Variants in EIF2B3 observed in about 807,000 individuals in gnomAD.
EIF2B3 encodes the protein eukaryotic translation initiation factor 2B subunit gamma, also known as translation initiation factor eIF2B subunit gamma.
In EIF2B3, 20 loss-of-function variants were observed where a neutral mutation model predicts 54.1. The ratio of observed to expected loss-of-function variants is 0.37; its 90% confidence interval spans 0.26 to 0.54. The LOEUF (loss-of-function observed/expected upper bound fraction) is 0.54. Among genes scored for constraint, EIF2B3 ranks in the 20% least tolerant of loss-of-function variants. The pLI, the probability that EIF2B3 is intolerant of heterozygous loss-of-function variation, is 0.86. For synonymous variants in EIF2B3, 153 were observed against 188.1 expected, an observed-to-expected ratio of 0.81 and a Z score of 1.52; for missense variants, 448 against 547.8, an observed-to-expected ratio of 0.82 and a Z score of 1.82.
intron 10 of EIF2B3, among the ~76,000 whole-genome samples, chr1:44,869,748 G>A (rs896796616): frequency 1.3e-5 from 2 of 151,558 alleles, no homozygotes; most frequent in African/African-American, 4.8e-5. Flanking sequence ...CTATAGGCGC[G>A]AGCCACCACG....
chr1:44,882,894 C>G (rs566544294), intron 6 of EIF2B3, among the ~76,000 whole-genome samples: 65 of 149,430 alleles, frequency 4.3e-4, no homozygotes, highest in Middle Eastern at 7.0e-3. Context: ...GGATTACAGG[C>G]ATGAGCCACT....
chr1:44,972,136 C>A (rs1644404793), intron 3 of EIF2B3, among the ~76,000 whole-genome samples: 1 of 151,978 alleles, frequency 6.6e-6, no homozygotes, highest in Admixed American at 6.6e-5. Context: ...TACTTGTAAT[C>A]CCAGCACTTT....
At chr1:44,920,317 GTAA>G (rs1250767522) in intron 5 of EIF2B3, among the ~76,000 whole-genome samples, 1 of 151,992 alleles carries the variant, frequency 6.6e-6, no homozygotes, top group East Asian at 1.9e-4. Context: ...CATGCAATAC[GTAA>G]TAATCACATC....
intron 8 of EIF2B3, among the ~76,000 whole-genome samples, chr1:44,876,787 G>A (rs1413404627): frequency 6.9e-6 from 1 of 145,646 alleles, no homozygotes; most frequent in Admixed American, 6.9e-5. Flanking sequence ...TGAGAAATCG[G>A]ATGGTTGCTG....
At chr1:44,957,427 C>A (rs186863878) in intron 3 of EIF2B3, among the ~76,000 whole-genome samples, 12 of 152,156 alleles carry the variant, frequency 7.9e-5, no homozygotes, top group African/African-American at 2.7e-4. Context: ...ATAATGTATT[C>A]AATTTTTAAA....
intron 4 of EIF2B3, among the ~76,000 whole-genome samples, chr1:44,936,543 A>G (rs1643949204): frequency 6.6e-6 from 1 of 152,096 alleles, no homozygotes; most frequent in African/African-American, 2.4e-5. Context: ...GTGAGCCAAG[A>G]TCGCGCCATT....
chr1:44,910,262 T>G (rs1643485812), intron 5 of EIF2B3, among the ~76,000 whole-genome samples: 1 of 152,166 alleles, frequency 6.6e-6, no homozygotes, highest in Non-Finnish European at 1.5e-5. Context: ...CAATTTCAGC[T>G]GGGGGAAACT....
chr1:44,961,033 TA>T (rs1241732291), intron 3 of EIF2B3, among the ~76,000 whole-genome samples: 3 of 149,588 alleles, frequency 2.0e-5, no homozygotes, highest in Non-Finnish European at 4.4e-5. Context: ...AGGTACTATG[TA>T]GCTGTTAAAA....
intron 5 of EIF2B3, among the ~76,000 whole-genome samples, chr1:44,906,325 G>C (rs1412140385): frequency 6.6e-6 from 1 of 152,218 alleles, no homozygotes; most frequent in Non-Finnish European, 1.5e-5. Context: ...TTGTGTAGGA[G>C]ATGGTCACGG....
chr1:44,910,504 G>A (rs1643489377), intron 5 of EIF2B3, among the ~76,000 whole-genome samples: 1 of 152,230 alleles, frequency 6.6e-6, no homozygotes, highest in East Asian at 1.9e-4. Context: ...GGCCCTTTGA[G>A]GTAAAGTTAC....
chr1:44,882,900 C>G (rs1655451328), intron 6 of EIF2B3, among the ~76,000 whole-genome samples: 1 of 150,748 alleles, frequency 6.6e-6, no homozygotes, highest in Non-Finnish European at 1.5e-5. Context: ...CAGGCATGAG[C>G]CACTGTGCCT....
At chr1:44,895,084 T>C (rs1655922191) in intron 6 of EIF2B3, among the ~76,000 whole-genome samples, 1 of 152,200 alleles carries the variant, frequency 6.6e-6, no homozygotes, top group South Asian at 2.1e-4. Context: ...GCTCTTTGAT[T>C]GTAGCGACTC....
intron 4 of EIF2B3, chr1:44,932,279 A>G (rs1038602133): frequency 6.6e-6 from 1 of 152,520 alleles, no homozygotes; most frequent in African/African-American, 2.4e-5. Context: ...CAGTAAGACA[A>G]GAAAAAGAAA....
intron 1 of EIF2B3, among the ~76,000 whole-genome samples, chr1:44,986,051 A>C (rs943364048): frequency 2.5e-4 from 38 of 152,284 alleles, no homozygotes; most frequent in African/African-American, 8.4e-4. Flanking sequence ...ACAGTGCTAA[A>C]GGCGTCTGGT....
At chr1:44,966,162 G>A (rs966749202) in intron 3 of EIF2B3, among the ~76,000 whole-genome samples, 14 of 151,972 alleles carry the variant, frequency 9.2e-5, no homozygotes, top group Admixed American at 5.2e-4. Flanking sequence ...AATGAAGGCC[G>A]GGCGCAGTGG....
chr1:44,978,230 CA>C (rs894611306), intron 3 of EIF2B3, 84 bp downstream of exon 3: 78 of 1,522,336 alleles, frequency 5.1e-5, no homozygotes, highest in Admixed American at 8.5e-5. Flanking sequence ...GGTTCTGTCT[CA>C]AAAAAAAGAC....
intron 3 of EIF2B3, among the ~76,000 whole-genome samples, chr1:44,976,680 A>C (rs1408628330): frequency 6.6e-6 from 1 of 152,226 alleles, no homozygotes; most frequent in Non-Finnish European, 1.5e-5. Flanking sequence ...TAGATAAATA[A>C]ATAGTAGTAT....
chr1:44,943,187 T>A (rs554641399), intron 3 of EIF2B3, among the ~76,000 whole-genome samples: 33 of 148,356 alleles, frequency 2.2e-4, no homozygotes, highest in African/African-American at 7.7e-4. Context: ...ATTTTTAAAT[T>A]AAAAAAAAAA....
At chr1:44,866,711 C>G (rs1215523536) in intron 10 of EIF2B3, among the ~76,000 whole-genome samples, 2 of 152,126 alleles carry the variant, frequency 1.3e-5, no homozygotes, top group Admixed American at 1.3e-4. Flanking sequence ...CACACCACCA[C>G]GCCCAGCTAA....
Sources: gnomAD v4.1 joint callset for allele counts (sites outside exome capture counted in the v4.1 genomes callset) on GRCh38, gnomAD v4.1.1 for gene constraint, MANE v1.5 for transcripts, NCBI Gene and HGNC (gene_info 2026-07-23, HGNC 2026-07-21) for gene names.